EPHA6: variants seen among roughly 807,000 people sequenced by gnomAD.
EPHA6 encodes the protein EPH receptor A6, also known as ephrin type-A receptor 6.
In EPHA6, 50 loss-of-function variants were observed where a neutral mutation model predicts 112.0. The ratio of observed to expected loss-of-function variants is 0.45; its 90% CI spans 0.36 to 0.56. EPHA6 has a LOEUF of 0.56. EPHA6 is among the 20% of genes least tolerant of loss of function. The pLI, the probability that EPHA6 is intolerant of heterozygous loss-of-function variation, is 0.00. For missense variants in EPHA6, 1,280 were observed against 1,417.4 expected (o/e 0.90, Z 1.56); for synonymous variants, 529 against 490.7 (o/e 1.08, Z -1.03).
intron 13 of EPHA6, chr3:97,612,345 C>G (rs953428019): frequency 2.5e-6 from 1 of 393,348 alleles, no homozygotes; most frequent in African/African-American, 2.2e-5. Flanking sequence ...GGTTGGTTTT[C>G]TTTTTATTTT....
At chr3:96,950,007 C>A (rs2107716227) in intron 2 of EPHA6, among the ~76,000 whole-genome samples, 1 of 152,204 alleles carries the variant, frequency 6.6e-6, no homozygotes, top group South Asian at 2.1e-4. Flanking sequence ...AAAATTTATC[C>A]TTCTGTGCAG....
intron 2 of EPHA6, among the ~76,000 whole-genome samples, chr3:96,899,187 T>G (rs1217210303): frequency 6.6e-6 from 1 of 152,140 alleles, no homozygotes; most frequent in Non-Finnish European, 1.5e-5. Flanking sequence ...TTCTAGTGTT[T>G]GCCTGTAATC....
intron 2 of EPHA6, among the ~76,000 whole-genome samples, chr3:96,903,159 G>A (rs1317452677): frequency 6.6e-6 from 1 of 152,096 alleles, no homozygotes; most frequent in Admixed American, 6.6e-5. Flanking sequence ...GAGCCATCTG[G>A]GTATCTGCAG....
intron 5 of EPHA6, among the ~76,000 whole-genome samples, chr3:97,389,107 C>A (rs2086250161): frequency 6.6e-6 from 1 of 152,094 alleles, no homozygotes; most frequent in South Asian, 2.1e-4. Flanking sequence ...AAGACAAATT[C>A]ATACAAATTA....
intron 11 of EPHA6, among the ~76,000 whole-genome samples, chr3:97,538,981 CTCTTTCTTTCTT>C (rs796705721): frequency 0.011 from 1,465 of 130,226 alleles, 14 homozygotes; most frequent in Middle Eastern, 0.023. Flanking sequence ...CACTTTCTCT[CTCTTTCTTTCTT>C]TCTTTCTTTC....
At chr3:97,041,498 T>C (rs1042895228) in intron 3 of EPHA6, among the ~76,000 whole-genome samples, 1 of 152,120 alleles carries the variant, frequency 6.6e-6, no homozygotes, top group Non-Finnish European at 1.5e-5. Context: ...TGAAAGGGTG[T>C]CCTTTCTATG....
chr3:97,639,520 T>A (rs565713874), intron 14 of EPHA6, among the ~76,000 whole-genome samples: 3 of 152,226 alleles, frequency 2.0e-5, no homozygotes, highest in Admixed American at 1.3e-4. Context: ...TTGCAACAAA[T>A]ACAATCTACT....
At chr3:96,846,697 GAAT>G (rs2035093356) in intron 1 of EPHA6, among the ~76,000 whole-genome samples, 1 of 151,978 alleles carries the variant, frequency 6.6e-6, no homozygotes, top group Non-Finnish European at 1.5e-5. Flanking sequence ...AATGAACTTA[GAAT>G]AAACTAAGAG....
At chr3:97,172,636 C>A (rs16838425) in intron 3 of EPHA6, among the ~76,000 whole-genome samples, 1,892 of 151,940 alleles carry the variant, frequency 0.012, 33 homozygotes, top group African/African-American at 0.041. Context: ...TTTTAAGTGT[C>A]GCTTCTGGCC....
chr3:97,076,487 G>A (rs1177694353), intron 3 of EPHA6, among the ~76,000 whole-genome samples: 1 of 152,182 alleles, frequency 6.6e-6, no homozygotes, highest in Non-Finnish European at 1.5e-5. Flanking sequence ...GAGGTTTAAG[G>A]ATGAAAGTCA....
rs185061036 is a variant in EPHA6 at position 97,126,790 on chromosome 3, T to G, written c.1115-99474T>G. Among the ~76,000 whole-genome samples, 104 of 151,762 alleles carry G rather than the reference T, an allele frequency of 6.9e-4. 1 individual carries two copies. Among genetic ancestry groups the G allele is most frequent in the Admixed American group, 6.8e-3 (104 of 15,228 alleles). Reference sequence around the variant, plus strand: ...ATCCATTTGAACTAAAACTAGCATATTAATTCAGTTCTGCAGATGTTTAAA... The same window carrying G: ...ATCCATTTGAACTAAAACTAGCATAGTAATTCAGTTCTGCAGATGTTTAAA... On this transcript the variant is annotated intron_variant, in intron 3 of 17. Transcript: ENST00000389672.
intron 3 of EPHA6, among the ~76,000 whole-genome samples, chr3:97,158,461 G>A (rs1453548912): frequency 6.6e-6 from 1 of 152,060 alleles, no homozygotes; most frequent in African/African-American, 2.4e-5. Context: ...AGTGTCAGTC[G>A]AGAAAAATGA....
intron 3 of EPHA6, among the ~76,000 whole-genome samples, chr3:97,212,506 C>T (rs1014350683): frequency 6.6e-6 from 1 of 152,114 alleles, no homozygotes; most frequent in Non-Finnish European, 1.5e-5. Context: ...GGTCTACATA[C>T]CTTATCTTAA....
At chr3:97,329,595 T>A (rs2082674319) in intron 5 of EPHA6, among the ~76,000 whole-genome samples, 1 of 152,074 alleles carries the variant, frequency 6.6e-6, no homozygotes, top group Admixed American at 6.6e-5. Flanking sequence ...TCATGTGTCT[T>A]TTGGCTGCAT....
chr3:97,415,180 TGAAA>T (rs1221166385), intron 6 of EPHA6, among the ~76,000 whole-genome samples: 1 of 152,080 alleles, frequency 6.6e-6, no homozygotes, highest in Non-Finnish European at 1.5e-5. Context: ...AAAGAATAGT[TGAAA>T]GAGTCATTAG....
intron 14 of EPHA6, among the ~76,000 whole-genome samples, chr3:97,697,817 C>A (rs2033135302): frequency 6.6e-6 from 1 of 152,130 alleles, no homozygotes; most frequent in Admixed American, 6.5e-5. Flanking sequence ...GGCTTTCCTC[C>A]CCAAACTGCT....
intron 11 of EPHA6, among the ~76,000 whole-genome samples, chr3:97,537,390 T>A (rs2092779176): frequency 6.6e-6 from 1 of 152,084 alleles, no homozygotes; most frequent in Non-Finnish European, 1.5e-5. Flanking sequence ...TAAAACCTAG[T>A]GATAGAGAAA....
intron 2 of EPHA6, among the ~76,000 whole-genome samples, chr3:96,969,518 AC>A (rs1271146879): frequency 7.9e-5 from 12 of 151,948 alleles, no homozygotes; most frequent in Non-Finnish European, 2.9e-5. Context: ...ATTTTGAAAA[AC>A]CAGGTCAAAA....
chr3:97,662,044 A>T (rs967823087), intron 14 of EPHA6, among the ~76,000 whole-genome samples: 3 of 152,162 alleles, frequency 2.0e-5, no homozygotes, highest in African/African-American at 7.2e-5. Context: ...ACTATCTGAT[A>T]GGGCTTCCTT....
Sources: allele counts gnomAD v4.1 joint callset (sites outside exome capture counted in the v4.1 genomes callset), GRCh38; gene constraint gnomAD v4.1.1; transcripts MANE v1.5; gene names NCBI Gene and HGNC (gene_info 2026-07-23, HGNC 2026-07-21).